Variants in LGR5 observed in about 807,000 individuals in gnomAD.
The protein encoded by LGR5 is leucine rich repeat containing G protein-coupled receptor 5.
In LGR5, 54 loss-of-function variants were observed where a neutral mutation model predicts 76.7. The ratio of observed to expected loss-of-function variants is 0.70; its 90% CI spans 0.57 to 0.88. The LOEUF is 0.88. LGR5 is among the 40% of genes least tolerant of loss of function. The pLI is 0.00. For synonymous variants in LGR5, 406 were observed against 421.9 expected, an observed-to-expected ratio of 0.96 and a Z score of 0.46; for missense variants, 1,078 against 1,073.3, an observed-to-expected ratio of 1.00 and a Z score of -0.06.
rs1274001637 is a variant in LGR5, at chr12:71,582,455, G to A, written c.1553-1G>A. On this transcript the variant is annotated splice_acceptor_variant, in intron 16 of 17. Coordinates refer to ENST00000266674, the MANE Select transcript of LGR5 (RefSeq NM_003667.4). LOFTEE classifies it high-confidence loss of function. ...TCATTCCAGGACTTCTTGTGCTGCA[G>A]ATGAACGTGACCTTGAAGATTTCCT... 6.2e-7 allele frequency: 1 copy of A among 1,613,804 alleles called. No homozygotes were observed. Among genetic ancestry groups the A allele is most frequent in the Non-Finnish European group, 8.5e-7 (1 of 1,179,692 alleles).
chr12:71,445,974 C>A (rs996143494), intron 1 of LGR5, among the ~76,000 whole-genome samples: 6 of 152,154 alleles, frequency 3.9e-5, no homozygotes, highest in African/African-American at 1.4e-4. Context: ...TGGAATAACA[C>A]CCTAGGGTTT....
chr12:71,515,323 C>G (rs1335283646), intron 2 of LGR5, among the ~76,000 whole-genome samples: 2 of 152,162 alleles, frequency 1.3e-5, no homozygotes, highest in African/African-American at 2.4e-5. Flanking sequence ...GGTTTCATCA[C>G]TTATGTATCT....
intron 1 of LGR5, among the ~76,000 whole-genome samples, chr12:71,496,231 C>T (rs1317294864): frequency 6.6e-6 from 1 of 152,000 alleles, no homozygotes; most frequent in Non-Finnish European, 1.5e-5. Flanking sequence ...ATTAGCTGGA[C>T]GTGGTGGCAC....
chr12:71,582,752 T>C (rs902328573), intron 17 of LGR5, among the ~76,000 whole-genome samples: 1 of 152,224 alleles, frequency 6.6e-6, no homozygotes, highest in African/African-American at 2.4e-5. Context: ...ACTTTTGATT[T>C]AACTTAATGT....
intron 2 of LGR5, among the ~76,000 whole-genome samples, chr12:71,508,586 T>G (rs550527815): frequency 6.6e-6 from 1 of 151,878 alleles, no homozygotes; most frequent in South Asian, 2.1e-4. Flanking sequence ...AAACCCCGTC[T>G]CTACTAAAAA....
At chr12:71,523,669 A>C (rs1435345854) in intron 2 of LGR5, among the ~76,000 whole-genome samples, 3 of 152,116 alleles carry the variant, frequency 2.0e-5, no homozygotes, top group African/African-American at 7.2e-5. Flanking sequence ...AAAATACTGA[A>C]TCACATGTTT....
At chr12:71,449,355 C>T (rs1158508810) in intron 1 of LGR5, among the ~76,000 whole-genome samples, 1 of 152,214 alleles carries the variant, frequency 6.6e-6, no homozygotes, top group Admixed American at 6.5e-5. Context: ...CCCTGTTCTT[C>T]AGCAGCTGTT....
intron 1 of LGR5, among the ~76,000 whole-genome samples, chr12:71,454,636 G>C (rs529796705): frequency 6.6e-6 from 1 of 152,044 alleles, no homozygotes; most frequent in Non-Finnish European, 1.5e-5. Flanking sequence ...TCAAGTCAGG[G>C]AGAAGAGTAA....
intron 1 of LGR5, among the ~76,000 whole-genome samples, chr12:71,472,590 C>A (rs1381428920): frequency 6.6e-6 from 1 of 152,172 alleles, no homozygotes; most frequent in Non-Finnish European, 1.5e-5. Flanking sequence ...ATCAAACAAC[C>A]ACAACATGTC....
chr12:71,548,181 C>T (rs747297938), intron 4 of LGR5, among the ~76,000 whole-genome samples: 3 of 152,090 alleles, frequency 2.0e-5, no homozygotes, highest in Non-Finnish European at 4.4e-5. Context: ...GCGTAAATGG[C>T]CAAGATGCCA....
intron 14 of LGR5, 144 bp downstream of exon 14, chr12:71,578,140 C>G: frequency 1.6e-6 from 1 of 607,186 alleles, no homozygotes; most frequent in Admixed American, 2.8e-5. Context: ...CTTGTCAGAG[C>G]CAGGGAGGAG....
Position 71,566,643 on chromosome 12 carries a change from G to A in LGR5, c.941G>A (p.Gly314Asp), listed in dbSNP as rs1443063758. The A allele has an allele frequency of 6.2e-7, 1 of 1,612,602 alleles. No homozygotes were observed. ...LPELRTLTLNGASQITEFPDL... is the reference protein window; with the variant it reads ...LPELRTLTLNDASQITEFPDL... ...ACTCCTCTTTCTAGGACTCTGAATG[G>A]TGCCTCACAAATAACTGAATTTCCT... The change falls in exon 10 of 18, where the codon GGT becomes GAT. Residue 314 changes from glycine to aspartate, a missense_variant. Gly to Asp is a moderately conservative substitution (Grantham distance 94). Coordinates refer to ENST00000266674, the MANE Select transcript of LGR5 (RefSeq NM_003667.4).
chr12:71,552,490 G>A (rs1726480), intron 4 of LGR5, among the ~76,000 whole-genome samples: 7,939 of 151,728 alleles, frequency 0.052, 706 homozygotes, highest in African/African-American at 0.18. Context: ...GCTTGAACCC[G>A]GGAGGTGGAG....
chr12:71,537,812 T>C (rs1222238759), intron 4 of LGR5, among the ~76,000 whole-genome samples: 2 of 152,198 alleles, frequency 1.3e-5, no homozygotes, highest in African/African-American at 4.8e-5. Context: ...AAAGTAATGA[T>C]GAGAGTAGGA....
chr12:71,488,771 A>C (rs1354998321), intron 1 of LGR5, among the ~76,000 whole-genome samples: 1 of 152,192 alleles, frequency 6.6e-6, no homozygotes, highest in East Asian at 1.9e-4. Flanking sequence ...GGCCAAGTTA[A>C]TCCAATAAAC....
chr12:71,472,592 C>T (rs1873148598), intron 1 of LGR5, among the ~76,000 whole-genome samples: 1 of 152,228 alleles, frequency 6.6e-6, no homozygotes, highest in African/African-American at 2.4e-5. Context: ...CAAACAACCA[C>T]AACATGTCCT....
intron 1 of LGR5, among the ~76,000 whole-genome samples, chr12:71,487,333 T>C (rs1375755653): frequency 2.0e-5 from 3 of 152,238 alleles, no homozygotes; most frequent in Non-Finnish European, 4.4e-5. Flanking sequence ...TAAACAAAAG[T>C]ATTAATTTTA....
intron 13 of LGR5, among the ~76,000 whole-genome samples, chr12:71,574,238 G>A (rs111580679): frequency 0.088 from 11,824 of 134,522 alleles, 546 homozygotes; most frequent in African/African-American, 0.1. Context: ...AGCAGGCGGA[G>A]GTTGCAGTGA....
In LGR5 at chr12:71,580,993, C is replaced by T. The variant is rs537473064; in HGVS notation, c.1552+570C>T. On this transcript the variant is annotated intron_variant, in intron 16 of 17. Coordinates refer to ENST00000266674, the MANE Select transcript of LGR5 (RefSeq NM_003667.4). ...TTATATTTATATGTATAATTAGATTCCCCCTTAGCATATACTGTCCTCAGG... is the reference window on the plus strand; with the variant it reads ...TTATATTTATATGTATAATTAGATTTCCCCTTAGCATATACTGTCCTCAGG... Among the ~76,000 whole-genome samples the T allele has an allele frequency of 1.7e-3, 264 of 152,258 alleles. 1 individual carries two copies. Among genetic ancestry groups the T allele is most frequent in the Non-Finnish European group, 3.0e-3 (206 of 68,030 alleles).
Sources: allele counts gnomAD v4.1 joint callset (sites outside exome capture counted in the v4.1 genomes callset), GRCh38; gene constraint gnomAD v4.1.1; transcripts MANE v1.5; gene names NCBI Gene and HGNC (gene_info 2026-07-23, HGNC 2026-07-21).